SLC25A13: variants seen among roughly 807,000 people sequenced by gnomAD.
The protein encoded by SLC25A13 is solute carrier family 25 member 13, also known as electrogenic aspartate/glutamate antiporter SLC25A13, mitochondrial.
SLC25A13 carries 70 observed loss-of-function variants against 85.5 expected under a neutral mutation model. That is an observed-to-expected ratio of 0.82 (90% CI 0.68 to 1.00). The LOEUF is 1.00. SLC25A13 is among the 50% of genes least tolerant of loss of function. The pLI, the probability that SLC25A13 is intolerant of heterozygous loss-of-function variation, is 0.00. For missense variants in SLC25A13, 765 were observed against 819.8 expected (o/e 0.93, Z 0.82); for synonymous variants, 259 against 288.7 (o/e 0.90, Z 1.04).
At chr7:96,170,167 G>A in intron 12 of SLC25A13, 42 bp from the exon 13 acceptor site, 2 of 1,556,382 alleles carry the variant, frequency 1.3e-6, no homozygotes, top group South Asian at 2.2e-5. Context: ...AAAATATAAA[G>A]AAAGTCATTA....
chr7:96,179,266 C>T (rs1005436958), intron 11 of SLC25A13, among the ~76,000 whole-genome samples: 2 of 152,222 alleles, frequency 1.3e-5, no homozygotes, highest in African/African-American at 4.8e-5. Flanking sequence ...AACTATTTCC[C>T]TCCTACTGAG....
intron 13 of SLC25A13, among the ~76,000 whole-genome samples, chr7:96,165,291 G>A (rs1562807853): frequency 6.6e-6 from 1 of 152,322 alleles, no homozygotes; most frequent in East Asian, 1.9e-4. Context: ...TAGATAGGGA[G>A]CGTATGCTGG....
intron 13 of SLC25A13, among the ~76,000 whole-genome samples, chr7:96,165,861 T>C (rs1436767188): frequency 6.6e-6 from 1 of 152,184 alleles, no homozygotes; most frequent in Non-Finnish European, 1.5e-5. Context: ...ATTGTTGTGT[T>C]TTTCAAAATT....
At chr7:96,216,054 CT>C (rs1413229858) in intron 4 of SLC25A13, among the ~76,000 whole-genome samples, 1 of 151,554 alleles carries the variant, frequency 6.6e-6, no homozygotes. Flanking sequence ...ACTCAGGAGG[CT>C]GAGGCAGGAA....
chr7:96,213,141 T>C (rs1218704106), intron 4 of SLC25A13, among the ~76,000 whole-genome samples: 8 of 152,258 alleles, frequency 5.3e-5, no homozygotes, highest in Admixed American at 3.3e-4. Context: ...CTCTAATGAA[T>C]CATCCTAGGG....
chr7:96,264,533 G>T (rs1797975802), intron 3 of SLC25A13, among the ~76,000 whole-genome samples: 1 of 151,988 alleles, frequency 6.6e-6, no homozygotes, highest in African/African-American at 2.4e-5. Flanking sequence ...TAGGTCTCAG[G>T]ACCTCTTAAC....
chr7:96,251,673 T>C (rs984793627), intron 3 of SLC25A13, among the ~76,000 whole-genome samples: 7 of 152,230 alleles, frequency 4.6e-5, no homozygotes, highest in African/African-American at 1.7e-4. Flanking sequence ...TGAATTTGCA[T>C]TGATATGGAG....
intron 1 of SLC25A13, among the ~76,000 whole-genome samples, chr7:96,302,107 C>G (rs1799568204): frequency 6.6e-6 from 1 of 152,160 alleles, no homozygotes; most frequent in South Asian, 2.1e-4. Flanking sequence ...AAGATAAACA[C>G]TGGTTATAAT....
At chr7:96,177,034 G>A (rs959143243) in intron 11 of SLC25A13, among the ~76,000 whole-genome samples, 9 of 152,138 alleles carry the variant, frequency 5.9e-5, no homozygotes, top group Admixed American at 4.6e-4. Context: ...ATGAATAAGT[G>A]TACAAAGAAC....
intron 3 of SLC25A13, among the ~76,000 whole-genome samples, chr7:96,272,311 G>A (rs375066515): frequency 2.6e-5 from 4 of 152,162 alleles, no homozygotes; most frequent in African/African-American, 7.2e-5. Context: ...TTCGCAGAGA[G>A]AGACACAAAA....
chr7:96,202,738 C>T (rs896014620), intron 5 of SLC25A13, among the ~76,000 whole-genome samples: 2 of 152,176 alleles, frequency 1.3e-5, no homozygotes, highest in East Asian at 1.9e-4. Context: ...AGAGCCAATA[C>T]ACCAACACAC....
intron 11 of SLC25A13, among the ~76,000 whole-genome samples, chr7:96,175,685 T>C (rs1794192602): frequency 6.6e-6 from 1 of 152,122 alleles, no homozygotes. Context: ...CCAAATTCTG[T>C]AGATGCATGG....
At chr7:96,134,800 T>C (rs1792197325) in intron 14 of SLC25A13, among the ~76,000 whole-genome samples, 1 of 143,184 alleles carries the variant, frequency 7.0e-6, no homozygotes, top group South Asian at 2.3e-4. Context: ...ATTTTATATA[T>C]ATATATATAT....
chr7:96,241,577 A>C (rs891348195), intron 3 of SLC25A13, among the ~76,000 whole-genome samples: 1 of 152,236 alleles, frequency 6.6e-6, no homozygotes, highest in Non-Finnish European at 1.5e-5. Flanking sequence ...GCATACACAC[A>C]AAGTCTGAAG....
At chr7:96,272,099 G>A (rs1162513565) in intron 3 of SLC25A13, among the ~76,000 whole-genome samples, 1 of 152,106 alleles carries the variant, frequency 6.6e-6, no homozygotes, top group South Asian at 2.1e-4. Context: ...TGTTGGCCAG[G>A]CTGGTCTCGA....
chr7:96,289,469 G>A (rs1298034062), intron 2 of SLC25A13, among the ~76,000 whole-genome samples: 1 of 152,138 alleles, frequency 6.6e-6, no homozygotes, highest in Non-Finnish European at 1.5e-5. Flanking sequence ...CGAGCTAAAG[G>A]AGGAAGTTCG....
At chr7:96,276,563 C>T (rs768218991) in intron 3 of SLC25A13, among the ~76,000 whole-genome samples, 7 of 152,080 alleles carry the variant, frequency 4.6e-5, no homozygotes, top group Non-Finnish European at 7.4e-5. Flanking sequence ...ACAGAAGTTG[C>T]ACTGAGCCAA....
chr7:96,319,982 A>G (rs1250596562), intron 1 of SLC25A13, among the ~76,000 whole-genome samples: 3 of 152,088 alleles, frequency 2.0e-5, no homozygotes, highest in Non-Finnish European at 4.4e-5. Flanking sequence ...TAACTTCCAT[A>G]TCACTTATTT....
chr7:96,242,417 G>C (rs1335695692), intron 3 of SLC25A13, among the ~76,000 whole-genome samples: 1 of 152,140 alleles, frequency 6.6e-6, no homozygotes, highest in Admixed American at 6.5e-5. Context: ...AGGCAACCAA[G>C]CTGTAAACCA....
Sources: allele counts gnomAD v4.1 joint callset (sites outside exome capture counted in the v4.1 genomes callset), GRCh38; gene constraint gnomAD v4.1.1; transcripts MANE v1.5; gene names NCBI Gene and HGNC (gene_info 2026-07-23, HGNC 2026-07-21).